CHRDL1: variants seen among roughly 807,000 people sequenced by gnomAD.
CHRDL1 encodes the protein chordin-like protein 1.
In CHRDL1, 19 loss-of-function variants were observed where a neutral mutation model predicts 40.9. The observed-to-expected ratio is 0.46, with a 90% CI of 0.32 to 0.68. The LOEUF (loss-of-function observed/expected upper bound fraction) is 0.68. Ranked by LOEUF, CHRDL1 falls within the 30% of genes least tolerant of loss-of-function variation. CHRDL1 has a pLI of 0.03. For synonymous variants in CHRDL1, 136 were observed against 123.4 expected, an observed-to-expected ratio of 1.10 and a Z score of -0.68; for missense variants, 329 against 352.1, an observed-to-expected ratio of 0.93 and a Z score of 0.53.
Position 110,674,496 on chromosome X carries a change from CACACACACAA to C in CHRDL1, c.*1725_*1734del, listed in dbSNP as rs1315855848. ...ACACACACACACACACACACACACACACACACACAAACTAATGCTTTGTGACCTCTCAACC... is the reference window on the plus strand; with the variant it reads ...ACACACACACACACACACACACACACACTAATGCTTTGTGACCTCTCAACC... On this transcript the variant is annotated 3_prime_UTR_variant, in exon 12 of 12. Transcript: ENST00000372042. 24 of 109,559 alleles carry C rather than the reference CACACACACAA, an allele frequency of 2.2e-4. No individual in the cohort carries two copies. Among genetic ancestry groups the C allele is most frequent in the African/African-American group, 3.3e-4 (10 of 29,872 alleles). The allele number at this position is 109,559 out of a possible 1,213,427, so 9.0% of individuals were successfully genotyped here.
intron 4 of CHRDL1, among the ~76,000 whole-genome samples, chrX:110,732,146 A>G (rs749767337): frequency 4.4e-4 from 49 of 111,441 alleles, no homozygotes; most frequent in Non-Finnish European, 8.7e-4. Flanking sequence ...GAAAGGGAGA[A>G]TCACAAATGG....
At chrX:110,723,168 G>A (rs1025487812) in intron 4 of CHRDL1, among the ~76,000 whole-genome samples, 8 of 110,887 alleles carry the variant, frequency 7.2e-5, no homozygotes, top group South Asian at 3.9e-4. Flanking sequence ...GGAGAATGGC[G>A]TGAACTCGGG....
chrX:110,689,691 C>CTA lies in CHRDL1; in HGVS notation c.779-890_779-889dup, dbSNP rs1451955305. ...TCTATATATCTATATATCTATATAT[C>CTA]TATATATCTATATATCTATATATAT... On this transcript the variant is annotated intron_variant, in intron 8 of 11. Transcript: ENST00000372042. Among the ~76,000 whole-genome samples the CTA allele has an allele frequency of 1.7e-4, 5 of 28,854 alleles. 2 individuals are homozygous for CTA. The highest frequency in any genetic ancestry group is 2.5e-4 in the Non-Finnish European group (5 of 19,686). 25.1% of individuals were successfully genotyped at this position (28,854 alleles called of 115,157 possible).
chrX:110,709,418 T>G (rs1306620969), intron 6 of CHRDL1, among the ~76,000 whole-genome samples: 1 of 112,214 alleles, frequency 8.9e-6, no homozygotes, highest in Non-Finnish European at 1.9e-5. Context: ...CTAGCAAAGA[T>G]AACTGCATGC....
chrX:110,689,072 G>GTATATATA (rs758293619), intron 8 of CHRDL1, among the ~76,000 whole-genome samples: 86 of 31,116 alleles, frequency 2.8e-3, no homozygotes, highest in African/African-American at 6.9e-3. Context: ...ATATATATAT[G>GTATATATA]TATATATATA....
chrX:110,707,708 C>A (rs1263053495), intron 6 of CHRDL1, among the ~76,000 whole-genome samples: 1 of 111,801 alleles, frequency 8.9e-6, no homozygotes, highest in African/African-American at 3.3e-5. Context: ...AAAACCTAGG[C>A]AACACCATTC....
At chrX:110,687,610 T>C (rs1295397975) in intron 9 of CHRDL1, among the ~76,000 whole-genome samples, 4 of 111,910 alleles carry the variant, frequency 3.6e-5, no homozygotes, top group African/African-American at 1.3e-4. Context: ...AAATGATAAA[T>C]TCATGTGCCT....
chrX:110,746,367 G>A (rs935352889), intron 4 of CHRDL1, among the ~76,000 whole-genome samples: 5 of 111,129 alleles, frequency 4.5e-5, no homozygotes, highest in African/African-American at 1.3e-4. Context: ...GAGGGAGGAG[G>A]TATCAGTTCT....
intron 10 of CHRDL1, among the ~76,000 whole-genome samples, chrX:110,680,917 G>T (rs761900305): frequency 8.9e-6 from 1 of 111,997 alleles, no homozygotes; most frequent in East Asian, 2.8e-4. Context: ...CTTGAGGGCA[G>T]GGATGATGTT....
chrX:110,688,898 G>A (rs1398842036), intron 8 of CHRDL1, 95 bp from the exon 9 acceptor site: 13 of 646,278 alleles, frequency 2.0e-5, no homozygotes, highest in Non-Finnish European at 2.7e-5. Context: ...AACATATCAA[G>A]CATCCTTTGT....
At chrX:110,753,787 A>T (rs993388132) in intron 4 of CHRDL1, among the ~76,000 whole-genome samples, 4 of 111,517 alleles carry the variant, frequency 3.6e-5, no homozygotes, top group Admixed American at 2.9e-4. Flanking sequence ...AAAGACAAAA[A>T]AAAGCAGATT....
At chrX:110,750,471 C>G (rs965241919) in intron 4 of CHRDL1, among the ~76,000 whole-genome samples, 3 of 111,800 alleles carry the variant, frequency 2.7e-5, no homozygotes, top group African/African-American at 9.8e-5. Context: ...GAAAAGCCCA[C>G]TACAGGACAT....
chrX:110,770,922 G>A (rs192816259), intron 2 of CHRDL1, among the ~76,000 whole-genome samples: 237 of 111,493 alleles, frequency 2.1e-3, no homozygotes, highest in African/African-American at 7.4e-3. Context: ...CGAAGTGGGT[G>A]GATCACCTGA....
chrX:110,716,465 C>T (rs982417260), intron 6 of CHRDL1, among the ~76,000 whole-genome samples: 1 of 110,433 alleles, frequency 9.1e-6, no homozygotes, highest in Admixed American at 9.8e-5. Flanking sequence ...TACATGGGCA[C>T]AAATAATAAA....
chrX:110,784,116 C>T (rs1033952111), intron 2 of CHRDL1, among the ~76,000 whole-genome samples: 27 of 111,515 alleles, frequency 2.4e-4, no homozygotes, highest in Non-Finnish European at 4.3e-4. Flanking sequence ...AAAATAAAGG[C>T]ATAAGTACGT....
intron 4 of CHRDL1, among the ~76,000 whole-genome samples, chrX:110,743,431 G>A (rs1023100447): frequency 8.9e-6 from 1 of 112,083 alleles, no homozygotes; most frequent in African/African-American, 3.2e-5. Flanking sequence ...TAGCTATCCA[G>A]TCCTGCCTTA....
chrX:110,751,094 T>A (rs2089350879), intron 4 of CHRDL1, among the ~76,000 whole-genome samples: 1 of 111,381 alleles, frequency 9.0e-6, no homozygotes, highest in Non-Finnish European at 1.9e-5. Context: ...CTGGGATGCT[T>A]GTGTGAAATG....
intron 6 of CHRDL1, among the ~76,000 whole-genome samples, chrX:110,718,823 A>ATTATTT (rs2070891322): frequency 8.9e-6 from 1 of 112,075 alleles, no homozygotes; most frequent in Admixed American, 9.5e-5. Flanking sequence ...TTTTCTGGTG[A>ATTATTT]GTTCCATAAG....
At chrX:110,746,209 C>A (rs765791523) in intron 4 of CHRDL1, among the ~76,000 whole-genome samples, 2 of 111,190 alleles carry the variant, frequency 1.8e-5, no homozygotes, top group South Asian at 3.9e-4. Context: ...AGGCCCCCTG[C>A]AGTACGGACA....
Sources: allele counts gnomAD v4.1 joint callset (sites outside exome capture counted in the v4.1 genomes callset), GRCh38; gene constraint gnomAD v4.1.1; transcripts MANE v1.5; gene names NCBI Gene and HGNC (gene_info 2026-07-23, HGNC 2026-07-21).